The following IPCEF1 variants were observed in gnomAD, a reference collection of about 807,000 sequenced individuals.
IPCEF1 encodes the protein interactor protein for cytohesin exchange factors 1.
Under a neutral mutation model 50.9 loss-of-function variants are expected in IPCEF1, and 31 were observed. That is an observed-to-expected ratio of 0.61 (90% CI 0.46 to 0.82). The LOEUF (loss-of-function observed/expected upper bound fraction) is 0.82, where lower values mean the gene tolerates loss of function less well. Ranked by LOEUF, IPCEF1 falls within the 40% of genes least tolerant of loss-of-function variation. The probability of loss-of-function intolerance (pLI) is 0.00; values close to 1 mark genes in which losing one functional copy is unlikely to be tolerated. For synonymous variants in IPCEF1, 181 were observed against 192.0 expected, an observed-to-expected ratio of 0.94 and a Z score of 0.47; for missense variants, 458 against 514.0, an observed-to-expected ratio of 0.89 and a Z score of 1.05.
At chr6:154,252,381 G>A (rs535472497) in intron 3 of IPCEF1, among the ~76,000 whole-genome samples, 1 of 152,170 alleles carries the variant, frequency 6.6e-6, no homozygotes, top group Non-Finnish European at 1.5e-5. Context: ...AAAAACAAAG[G>A]ACGAGCTCCT....
intron 2 of IPCEF1, among the ~76,000 whole-genome samples, chr6:154,275,977 C>T (rs1330820360): frequency 3.3e-5 from 5 of 151,924 alleles, no homozygotes; most frequent in Non-Finnish European, 7.4e-5. Context: ...GTCAGGAGTT[C>T]GAAACCAGCC....
chr6:154,313,423 G>A (rs1583978470), intron 1 of IPCEF1, among the ~76,000 whole-genome samples: 1 of 151,612 alleles, frequency 6.6e-6, no homozygotes, highest in African/African-American at 2.4e-5. Context: ...AGATTTCTTA[G>A]AGAGTTTAAA....
chr6:154,232,905 TGAAAA>T (rs1325986825), intron 5 of IPCEF1, among the ~76,000 whole-genome samples: 2 of 151,502 alleles, frequency 1.3e-5, no homozygotes, highest in Admixed American at 6.6e-5. Context: ...GGAAAAGGGG[TGAAAA>T]GAAAACAAAA....
chr6:154,316,998 G>A (rs1018246942), intron 1 of IPCEF1, among the ~76,000 whole-genome samples: 2 of 152,096 alleles, frequency 1.3e-5, no homozygotes, highest in African/African-American at 4.8e-5. Context: ...CTTGACAGCT[G>A]AAACTATAAA....
chr6:154,333,358 T>A (rs531070432), intron 1 of IPCEF1, among the ~76,000 whole-genome samples: 1 of 151,932 alleles, frequency 6.6e-6, no homozygotes, highest in South Asian at 2.1e-4. Context: ...CAGACAAATA[T>A]GAAAAGGCAA....
At position 154,273,724 on chromosome 6, in the gene IPCEF1, CTTTTTTT is replaced by C. The variant is rs71021036; in HGVS notation, c.-17-7767_-17-7761del. Among the ~76,000 whole-genome samples, 46 of 63,320 alleles carry C rather than the reference CTTTTTTT, an allele frequency of 7.3e-4. 3 individuals carry two copies. The South Asian group carries it at 0.01, about 14-fold the overall frequency. 41.5% of individuals were successfully genotyped at this position (63,320 alleles called of 152,430 possible). A position where few individuals can be genotyped will look rare whatever the true frequency, so the allele number is the denominator to read the frequency against. ...TCTTTTTTTCTTTCTTTCTTTCTTT[CTTTTTTT>C]TTTTTTTTTTTTTTTTTTTTTTTTT... On this transcript the variant is annotated intron_variant, in intron 2 of 11. Transcript: ENST00000367220.
At chr6:154,267,274 G>T (rs1413102291) in intron 2 of IPCEF1, among the ~76,000 whole-genome samples, 1 of 151,632 alleles carries the variant, frequency 6.6e-6, no homozygotes, top group African/African-American at 2.4e-5. Flanking sequence ...CAAACTAATA[G>T]AAGAACAAAT....
intron 5 of IPCEF1, among the ~76,000 whole-genome samples, chr6:154,224,961 G>A (rs1779140673): frequency 6.6e-6 from 1 of 152,266 alleles, no homozygotes; most frequent in Admixed American, 6.5e-5. Context: ...AGTGCTTCCT[G>A]TGGATTCTCA....
chr6:154,353,427 A>ACT (rs1307889661), intron 1 of IPCEF1, among the ~76,000 whole-genome samples: 1 of 149,398 alleles, frequency 6.7e-6, no homozygotes, highest in Non-Finnish European at 1.5e-5. Flanking sequence ...AGCTGGGATT[A>ACT]CGTGCGCCCG....
chr6:154,295,911 GCACACACACACA>G (rs58745478), intron 1 of IPCEF1, among the ~76,000 whole-genome samples: 4 of 150,316 alleles, frequency 2.7e-5, no homozygotes, highest in African/African-American at 9.8e-5. Flanking sequence ...ACACACACAC[GCACACACACACA>G]CACACACACA....
At chr6:154,242,915 A>C (rs147495413) in intron 5 of IPCEF1, among the ~76,000 whole-genome samples, 308 of 152,154 alleles carry the variant, frequency 2.0e-3, no homozygotes, top group African/African-American at 7.3e-3. Context: ...AGTATAGGCC[A>C]CTCAGGCAGC....
chr6:154,312,554 G>A (rs1013562161), intron 1 of IPCEF1, among the ~76,000 whole-genome samples: 2 of 151,928 alleles, frequency 1.3e-5, no homozygotes, highest in African/African-American at 4.8e-5. Context: ...CACCATGTTG[G>A]CCAGGCTGGT....
intron 11 of IPCEF1, 66 bp downstream of exon 11, chr6:154,167,854 T>A: frequency 8.3e-7 from 1 of 1,212,074 alleles, no homozygotes; most frequent in Non-Finnish European, 1.2e-6. Flanking sequence ...CAAGAATCTC[T>A]CTGCAGAACC....
At chr6:154,336,602 C>CT (rs1181062471) in intron 1 of IPCEF1, among the ~76,000 whole-genome samples, 1 of 151,716 alleles carries the variant, frequency 6.6e-6, no homozygotes, top group African/African-American at 2.4e-5. Context: ...GAAAAGTTCT[C>CT]TTTTTTTTCT....
chr6:154,247,517 G>A, intron 3 of IPCEF1, 29 bp from the exon 4 acceptor site: 4 of 1,602,032 alleles, frequency 2.5e-6, no homozygotes, highest in Non-Finnish European at 3.4e-6. Flanking sequence ...AAGAAAAGAG[G>A]AAATTTCTGA....
chr6:154,257,095 A>T (rs1001725602), intron 3 of IPCEF1, among the ~76,000 whole-genome samples: 1 of 152,222 alleles, frequency 6.6e-6, no homozygotes, highest in African/African-American at 2.4e-5. Flanking sequence ...GTAAGTCAAG[A>T]AACATCTGTA....
chr6:154,249,392 A>G (rs1781282069), intron 3 of IPCEF1, among the ~76,000 whole-genome samples: 1 of 152,224 alleles, frequency 6.6e-6, no homozygotes, highest in South Asian at 2.1e-4. Context: ...GAGAGCCAGG[A>G]CTAAAGACAA....
chr6:154,347,712 G>A (rs1048135031), intron 1 of IPCEF1, among the ~76,000 whole-genome samples: 1 of 152,166 alleles, frequency 6.6e-6, no homozygotes, highest in African/African-American at 2.4e-5. Flanking sequence ...CACCTCAGTG[G>A]CTCCTACTGC....
chr6:154,333,182 TGA>T (rs2128694391), intron 1 of IPCEF1, among the ~76,000 whole-genome samples: 1 of 152,278 alleles, frequency 6.6e-6, no homozygotes, highest in African/African-American at 2.4e-5. Context: ...TGATTAATAC[TGA>T]GTGTCAACTT....
Sources: allele counts gnomAD v4.1 joint callset (sites outside exome capture counted in the v4.1 genomes callset), GRCh38; gene constraint gnomAD v4.1.1; transcripts MANE v1.5; gene names NCBI Gene and HGNC (gene_info 2026-07-23, HGNC 2026-07-21).